STAU2: variants seen among roughly 807,000 people sequenced by gnomAD.
STAU2 encodes double-stranded RNA-binding protein Staufen homolog 2.
STAU2 carries 20 observed loss-of-function variants against 65.9 expected under a neutral mutation model. The ratio of observed to expected loss-of-function variants is 0.30; its 90% confidence interval spans 0.21 to 0.44. The LOEUF is 0.44. Ranked by LOEUF, STAU2 falls within the 20% of genes least tolerant of loss-of-function variation. The pLI is 1.00. For missense variants in STAU2, 558 were observed against 683.9 expected (o/e 0.82, Z 2.05); for synonymous variants, 232 against 233.9 (o/e 0.99, Z 0.07).
chr8:73,607,662 GGGA>G (rs1441137061), intron 9 of STAU2, among the ~76,000 whole-genome samples: 1 of 151,428 alleles, frequency 6.6e-6, no homozygotes, highest in Non-Finnish European at 1.5e-5. Context: ...ACTTTAACCT[GGGA>G]GGAGGAGGTT....
intron 13 of STAU2, among the ~76,000 whole-genome samples, chr8:73,462,291 C>G (rs1275892008): frequency 1.3e-5 from 2 of 151,648 alleles, no homozygotes; most frequent in African/African-American, 4.9e-5. Context: ...ACAGGGTTTT[C>G]CCATGTTGGC....
Position 73,531,407 on chromosome 8 carries a change from G to T in STAU2, c.1530+20605C>A, listed in dbSNP as rs544886457. Among the ~76,000 whole-genome samples, 3 of 152,268 alleles carry T rather than the reference G, an allele frequency of 2.0e-5. No individual in the cohort carries two copies. In the East Asian group the frequency reaches 5.8e-4, roughly 29 times the overall value. ...AATCATTCTGTGTTATATCCCCACT[G>T]CATTGAGACTGCTCAGTAAACCAGA... is the stretch of plus-strand genomic sequence containing the variant. On this transcript the variant is annotated intron_variant, in intron 13 of 14. Coordinates refer to ENST00000524300, the MANE Select transcript of STAU2 (RefSeq NM_001164380.2).
At chr8:73,557,518 T>G (rs1415419527) in intron 12 of STAU2, among the ~76,000 whole-genome samples, 3 of 152,116 alleles carry the variant, frequency 2.0e-5, no homozygotes, top group Non-Finnish European at 4.4e-5. Flanking sequence ...GCTAATTAGG[T>G]TTCTCCCAAA....
chr8:73,553,048 C>T (rs1807450393), intron 12 of STAU2, among the ~76,000 whole-genome samples: 1 of 152,132 alleles, frequency 6.6e-6, no homozygotes. Flanking sequence ...TAATTCAAGC[C>T]AGGCCATGGA....
intron 13 of STAU2, chr8:73,439,129 C>T (rs954176520): frequency 5.3e-5 from 23 of 432,406 alleles, no homozygotes; most frequent in Non-Finnish European, 9.3e-5. Context: ...ACTGACTCTT[C>T]GTGGGGAGAA....
chr8:73,638,729 A>G (rs1312105769), intron 6 of STAU2, among the ~76,000 whole-genome samples: 1 of 152,008 alleles, frequency 6.6e-6, no homozygotes, highest in Non-Finnish European at 1.5e-5. Context: ...GAAAACATAA[A>G]AAATTGCTTG....
At chr8:73,741,515 T>G (rs1315532154) in intron 1 of STAU2, among the ~76,000 whole-genome samples, 1 of 151,672 alleles carries the variant, frequency 6.6e-6, no homozygotes, top group African/African-American at 2.4e-5. Flanking sequence ...TAACCTTTTT[T>G]TTTTTCTTTT....
chr8:73,723,766 T>A (rs997212697), intron 3 of STAU2, among the ~76,000 whole-genome samples: 13 of 152,350 alleles, frequency 8.5e-5, no homozygotes, highest in African/African-American at 3.1e-4. Context: ...GGAATACAGT[T>A]ATAATGTTTT....
Position 73,687,368 on chromosome 8 carries a change from A to AT in STAU2, c.274+1285_274+1286insA, listed in dbSNP as rs1554563847. Reference sequence around the variant, plus strand: ...TTTATAATTTATATAATATAAATATAATTTATAATTTATATTTATAAAAAT... The same window carrying AT: ...TTTATAATTTATATAATATAAATATATATTTATAATTTATATTTATAAAAAT... On this transcript the variant is annotated intron_variant, in intron 5 of 14. Transcript: ENST00000524300. Among the ~76,000 whole-genome samples, 515 of 116,636 alleles carry AT rather than the reference A, an allele frequency of 4.4e-3. 8 individuals carry two copies. The highest frequency in any genetic ancestry group is 0.013 in the African/African-American group (377 of 29,924). 76.5% of individuals were successfully genotyped at this position (116,636 alleles called of 152,430 possible). A position where few individuals can be genotyped will look rare whatever the true frequency, so the allele number is the denominator to read the frequency against.
At chr8:73,483,705 G>A (rs1820763049) in intron 13 of STAU2, among the ~76,000 whole-genome samples, 1 of 152,142 alleles carries the variant, frequency 6.6e-6, no homozygotes, top group African/African-American at 2.4e-5. Flanking sequence ...ACAACGAGAA[G>A]CCAATAGGAA....
intron 13 of STAU2, chr8:73,440,032 G>GT (rs1442698194): frequency 6.6e-6 from 1 of 152,268 alleles, no homozygotes; most frequent in African/African-American, 2.4e-5. Flanking sequence ...ACCTGAGAGG[G>GT]TGTTAATCAG....
At chr8:73,644,104 A>G (rs1351704279) in intron 6 of STAU2, among the ~76,000 whole-genome samples, 3 of 152,220 alleles carry the variant, frequency 2.0e-5, no homozygotes, top group African/African-American at 4.8e-5. Context: ...ACTGACCACA[A>G]TGGAATCAGA....
intron 13 of STAU2, among the ~76,000 whole-genome samples, chr8:73,529,695 A>G (rs756830298): frequency 2.6e-5 from 4 of 152,236 alleles, no homozygotes; most frequent in Non-Finnish European, 5.9e-5. Flanking sequence ...GCAAGTACTA[A>G]TAAAACATTG....
At chr8:73,650,665 A>G (rs1815791649) in intron 6 of STAU2, among the ~76,000 whole-genome samples, 1 of 152,212 alleles carries the variant, frequency 6.6e-6, no homozygotes, top group Non-Finnish European at 1.5e-5. Context: ...TTTAATGTGG[A>G]ACCAACATTT....
At chr8:73,569,309 G>T (rs1285603293) in intron 12 of STAU2, among the ~76,000 whole-genome samples, 1 of 152,110 alleles carries the variant, frequency 6.6e-6, no homozygotes, top group Non-Finnish European at 1.5e-5. Flanking sequence ...AAAGCAGCCG[G>T]GAAGCTCGAA....
intron 9 of STAU2, among the ~76,000 whole-genome samples, 171 bp downstream of exon 9, chr8:73,613,569 GTATT>G (rs1405721046): frequency 6.6e-6 from 1 of 152,084 alleles, no homozygotes; most frequent in East Asian, 1.9e-4. Flanking sequence ...AGGTGCACAG[GTATT>G]TAAAAAGCAA....
chr8:73,633,538 T>C (rs997613136), intron 6 of STAU2, among the ~76,000 whole-genome samples: 25 of 152,180 alleles, frequency 1.6e-4, no homozygotes, highest in African/African-American at 5.3e-4. Context: ...TTTGTGACTA[T>C]AGACTCCAAG....
At chr8:73,543,991 T>C (rs1247261036) in intron 13 of STAU2, among the ~76,000 whole-genome samples, 1 of 152,236 alleles carries the variant, frequency 6.6e-6, no homozygotes, top group Non-Finnish European at 1.5e-5. Context: ...ACGTTTAAAA[T>C]GGAACTTGTT....
intron 13 of STAU2, among the ~76,000 whole-genome samples, chr8:73,507,677 C>T (rs1234381816): frequency 1.3e-5 from 2 of 152,212 alleles, no homozygotes; most frequent in Non-Finnish European, 2.9e-5. Context: ...GCTTTGAATT[C>T]AAGCATTGAC....
Sources: gnomAD v4.1 joint callset for allele counts (sites outside exome capture counted in the v4.1 genomes callset) on GRCh38, gnomAD v4.1.1 for gene constraint, MANE v1.5 for transcripts, NCBI Gene and HGNC (gene_info 2026-07-23, HGNC 2026-07-21) for gene names.